Variants in CLASP2 observed in about 807,000 individuals in gnomAD.
CLASP2 encodes the protein CLIP-associating protein 2.
In CLASP2, 47 loss-of-function variants were observed where a neutral mutation model predicts 194.4. That is an observed-to-expected ratio of 0.24 (90% CI 0.19 to 0.31). The LOEUF (loss-of-function observed/expected upper bound fraction) is 0.31, where lower values mean the gene tolerates loss of function less well. CLASP2 is among the 10% of genes least tolerant of loss of function. The probability of loss-of-function intolerance (pLI) is 1.00; values close to 1 mark genes in which losing one functional copy is unlikely to be tolerated. For missense variants in CLASP2, 1,445 were observed against 1,823.6 expected (o/e 0.79, Z 3.78); for synonymous variants, 619 against 633.5 (o/e 0.98, Z 0.34).
intron 7 of CLASP2, chr3:33,659,125 A>G: frequency 7.0e-7 from 1 of 1,432,346 alleles, no homozygotes; most frequent in Non-Finnish European, 9.1e-7. Context: ...GCCTCGCTGC[A>G]GCTCTGCACC....
At chr3:33,508,114 C>A (rs1015051760) in intron 37 of CLASP2, among the ~76,000 whole-genome samples, 3 of 151,806 alleles carry the variant, frequency 2.0e-5, no homozygotes, top group African/African-American at 7.3e-5. Context: ...CCTACCTCAG[C>A]CTGCTGAATA....
At chr3:33,702,639 C>A (rs1454065503) in intron 1 of CLASP2, among the ~76,000 whole-genome samples, 1 of 151,894 alleles carries the variant, frequency 6.6e-6, no homozygotes, top group African/African-American at 2.4e-5. Flanking sequence ...TTCAAAAAAA[C>A]ACGATGAAGA....
At chr3:33,692,048 T>C (rs930717901) in intron 2 of CLASP2, among the ~76,000 whole-genome samples, 2 of 152,050 alleles carry the variant, frequency 1.3e-5, no homozygotes, top group African/African-American at 4.8e-5. Flanking sequence ...TGCGTGTCTG[T>C]AGCCCAGCTA....
intron 10 of CLASP2, among the ~76,000 whole-genome samples, chr3:33,624,242 T>C (rs1346937023): frequency 6.6e-6 from 1 of 152,132 alleles, no homozygotes; most frequent in African/African-American, 2.4e-5. Flanking sequence ...TTAAAATATG[T>C]CTTTAAAGTT....
chr3:33,688,391 C>CAA (rs770037803), intron 3 of CLASP2, 23 bp from the exon 4 acceptor site: 6 of 1,511,644 alleles, frequency 4.0e-6, no homozygotes, highest in Admixed American at 2.1e-5. Context: ...AAAGTAAAAA[C>CAA]GTATAACAAA....
At chr3:33,670,338 T>C (rs574203881) in intron 6 of CLASP2, among the ~76,000 whole-genome samples, 3 of 152,348 alleles carry the variant, frequency 2.0e-5, no homozygotes, top group South Asian at 2.1e-4. Flanking sequence ...GTGTGGTGGA[T>C]ACATGCATGC....
rs1047647670 is a variant in CLASP2 at position 33,592,413 on chromosome 3, T to A, written c.2050A>T (p.Met684Leu). The change falls in exon 21 of 39, where the codon ATG becomes TTG. Residue 684 changes from methionine (M) to leucine (L), a missense_variant. By Grantham distance (15) the Met-to-Leu change is conservative. Around this residue, in one of 4 missense-constraint regions of CLASP2, gnomAD observed 174 missense variants for 179.0 expected, o/e 0.97. Transcript: ENST00000682230. ...TACATACGCTGTGATTGAGACACCA[T>A]TTTTGTTCGACTTCTTCCTCTAGAA... is the stretch of plus-strand genomic sequence containing the variant. The part of the protein sequence containing the change: ...ADSRGRSRTK[M>L]VSQSQPGSRS... The A allele has an allele frequency of 1.2e-6, 2 of 1,612,730 alleles. No individual in the cohort carries two copies. Among genetic ancestry groups the A allele is most frequent in the Middle Eastern group, 1.6e-4 (1 of 6,080 alleles).
At chr3:33,557,619 T>C (rs1253199461) in intron 29 of CLASP2, among the ~76,000 whole-genome samples, 1 of 152,074 alleles carries the variant, frequency 6.6e-6, no homozygotes, top group Non-Finnish European at 1.5e-5. Context: ...GAGTTTATTA[T>C]ATATTATAGT....
intron 6 of CLASP2, among the ~76,000 whole-genome samples, chr3:33,670,391 G>A (rs376753647): frequency 2.6e-5 from 4 of 152,084 alleles, no homozygotes; most frequent in African/African-American, 4.8e-5. Flanking sequence ...CTAATGATTC[G>A]TGCACTTTTC....
intron 36 of CLASP2, among the ~76,000 whole-genome samples, chr3:33,512,831 T>C (rs915164283): frequency 6.7e-6 from 1 of 149,922 alleles, no homozygotes; most frequent in Non-Finnish European, 1.5e-5. Flanking sequence ...CCACTAAAAA[T>C]AGAAAAAAAT....
rs140725825 is a variant in CLASP2, at chr3:33,678,812, T to C, written c.644+5547A>G. 3.7e-3 allele frequency among the ~76,000 whole-genome samples: 570 copies of C among 152,320 alleles called. 2 individuals carry two copies. The highest frequency in any genetic ancestry group is 0.013 in the African/African-American group (542 of 41,582). ...ACATATTCCACATTCGTGGATAGGA[T>C]GGCTCGGTATTTTCAAGATGTCAGT... On this transcript the variant is annotated intron_variant, in intron 6 of 38. Transcript: ENST00000682230.
At chr3:33,583,240 A>C (rs1363831930) in intron 22 of CLASP2, among the ~76,000 whole-genome samples, 1 of 152,256 alleles carries the variant, frequency 6.6e-6, no homozygotes, top group Non-Finnish European at 1.5e-5. Context: ...AAGGGAAAGC[A>C]ATCCTAAAGG....
chr3:33,518,090 G>T (rs967322680), intron 34 of CLASP2, among the ~76,000 whole-genome samples: 2 of 152,160 alleles, frequency 1.3e-5, no homozygotes, highest in Non-Finnish European at 2.9e-5. Context: ...TTATCAACTA[G>T]ACCTATTCTG....
At chr3:33,528,195 T>A (rs568475448) in intron 34 of CLASP2, among the ~76,000 whole-genome samples, 29 of 152,180 alleles carry the variant, frequency 1.9e-4, no homozygotes, top group Non-Finnish European at 3.7e-4. Context: ...AAAAACCACA[T>A]GATTATTTCA....
At chr3:33,636,330 T>C (rs2080127957) in intron 8 of CLASP2, among the ~76,000 whole-genome samples, 1 of 152,012 alleles carries the variant, frequency 6.6e-6, no homozygotes, top group Non-Finnish European at 1.5e-5. Context: ...AAATCCAATA[T>C]ATCATCATAA....
chr3:33,650,763 A>T (rs995005148), intron 7 of CLASP2, among the ~76,000 whole-genome samples: 10 of 152,132 alleles, frequency 6.6e-5, no homozygotes, highest in Non-Finnish European at 1.3e-4. Flanking sequence ...GGAGGAAGAA[A>T]GGAGTACAAG....
rs550489147 is a variant in CLASP2 at position 33,709,283 on chromosome 3, G to A, written c.195+8525C>T. 2.0e-5 allele frequency among the ~76,000 whole-genome samples: 3 copies of A among 152,084 alleles called. 1 individual carries two copies. Among genetic ancestry groups the A allele is most frequent in the Non-Finnish European group, 2.9e-5 (2 of 67,998 alleles). On this transcript the variant is annotated intron_variant, in intron 1 of 38. Coordinates refer to ENST00000682230, the MANE Select transcript of CLASP2 (RefSeq NM_001365631.1). ...CCATTTTGAGGTAATTATTGTGTAC[G>A]GTGTAAAATAATTTCACCATATTTC...
At chr3:33,507,018 A>C (rs1014060837) in intron 37 of CLASP2, among the ~76,000 whole-genome samples, 2 of 150,648 alleles carry the variant, frequency 1.3e-5, no homozygotes, top group African/African-American at 4.9e-5. Context: ...AGCTCACTGC[A>C]ACCTCTGCCT....
intron 6 of CLASP2, among the ~76,000 whole-genome samples, chr3:33,681,364 T>C (rs996979923): frequency 2.0e-5 from 3 of 152,154 alleles, no homozygotes; most frequent in African/African-American, 4.8e-5. Context: ...ATAATTGGTA[T>C]TGGCAAACAA....
Sources: allele counts gnomAD v4.1 joint callset (sites outside exome capture counted in the v4.1 genomes callset), GRCh38; gene constraint gnomAD v4.1.1; regional missense constraint gnomAD v4.1.1; transcripts MANE v1.5; gene names NCBI Gene and HGNC (gene_info 2026-07-23, HGNC 2026-07-21).